SLC25A17: variants seen among roughly 807,000 people sequenced by gnomAD.
SLC25A17 encodes solute carrier family 25 member 17, also known as peroxisomal membrane protein PMP34.
SLC25A17 carries 26 observed loss-of-function variants against 38.5 expected under a neutral mutation model. That is an observed-to-expected ratio of 0.68 (90% CI 0.50 to 0.94). The LOEUF (loss-of-function observed/expected upper bound fraction) is 0.94, where lower values mean the gene tolerates loss of function less well. Among genes scored for constraint, SLC25A17 ranks in the 40% least tolerant of loss-of-function variants. The pLI is 0.00. For synonymous variants in SLC25A17, 139 were observed against 136.2 expected (o/e 1.02, Z -0.14); for missense variants, 333 against 372.7 (o/e 0.89, Z 0.88).
At chr22:40,779,511 A>G (rs1459773571) in intron 4 of SLC25A17, 1 of 407,994 alleles carries the variant, frequency 2.5e-6, no homozygotes, top group African/African-American at 2.0e-5. Context: ...AGTCCATGAC[A>G]ATATCAGATA....
intron 1 of SLC25A17, among the ~76,000 whole-genome samples, chr22:40,813,226 A>G (rs944913900): frequency 2.0e-5 from 3 of 152,084 alleles, no homozygotes; most frequent in African/African-American, 7.2e-5. Context: ...CAAGGTTGCT[A>G]TGAGAAGTTA....
intron 7 of SLC25A17, 72 bp downstream of exon 7, chr22:40,776,968 T>C (rs2057249393): frequency 1.6e-6 from 2 of 1,255,522 alleles, no homozygotes; most frequent in Non-Finnish European, 2.3e-6. Flanking sequence ...TTTATTAACA[T>C]TGTTTTAAAT....
intron 2 of SLC25A17, among the ~76,000 whole-genome samples, chr22:40,796,839 T>A (rs1007559990): frequency 4.6e-5 from 7 of 152,138 alleles, no homozygotes; most frequent in South Asian, 2.1e-4. Flanking sequence ...TTATGGTGCA[T>A]TCACACCATG....
chr22:40,804,786 G>A (rs1017751719), intron 1 of SLC25A17, among the ~76,000 whole-genome samples: 6 of 152,264 alleles, frequency 3.9e-5, no homozygotes, highest in East Asian at 1.9e-4. Flanking sequence ...GGTCTGTGTC[G>A]ATTGTGAGCA....
intron 4 of SLC25A17, chr22:40,788,951 C>T (rs1034592028): frequency 4.1e-5 from 13 of 317,838 alleles, no homozygotes; most frequent in South Asian, 1.1e-4. Context: ...TAGCCAACAA[C>T]GGCCACACTC....
Position 40,819,317 on chromosome 22 carries a change from G to A in SLC25A17, c.-69C>T. The A allele has an allele frequency of 6.5e-7, 1 of 1,526,766 alleles. No individual in the cohort carries two copies. The highest frequency in any genetic ancestry group is 9.0e-7 in the Non-Finnish European group (1 of 1,116,230). The allele number at this position is 1,526,766 out of a possible 1,614,324, so 94.6% of individuals were successfully genotyped here. On this transcript the variant is annotated 5_prime_UTR_variant, in exon 1 of 9. Transcript: ENST00000435456. ...GCCGCAGCCAGTGGAGTTAGGAAAGGAGCACCGGAGCTCAGGGTGTGAGAG... is the reference window on the plus strand; with the variant it reads ...GCCGCAGCCAGTGGAGTTAGGAAAGAAGCACCGGAGCTCAGGGTGTGAGAG...
intron 5 of SLC25A17, among the ~76,000 whole-genome samples, chr22:40,778,492 G>A (rs1446400003): frequency 2.0e-5 from 3 of 152,204 alleles, no homozygotes; most frequent in Admixed American, 1.3e-4. Context: ...CCAAATCCAC[G>A]TCAATCCACA....
At chr22:40,803,088 T>C (rs1454001929) in intron 1 of SLC25A17, among the ~76,000 whole-genome samples, 5 of 152,206 alleles carry the variant, frequency 3.3e-5, no homozygotes, top group African/African-American at 9.6e-5. Flanking sequence ...ATCGTCACCA[T>C]AGTTTGTAAT....
intron 8 of SLC25A17, 95 bp downstream of exon 8, chr22:40,773,842 C>G: frequency 1.1e-6 from 1 of 890,708 alleles, no homozygotes; most frequent in Non-Finnish European, 1.9e-6. Context: ...TTGCCACCAC[C>G]AAGGCAGTAG....
intron 2 of SLC25A17, chr22:40,797,312 G>A: frequency 7.7e-7 from 1 of 1,301,652 alleles, no homozygotes; most frequent in Non-Finnish European, 1.0e-6. Flanking sequence ...TCTGGCATAG[G>A]TTTACAATTT....
intron 2 of SLC25A17, among the ~76,000 whole-genome samples, chr22:40,797,567 T>C (rs2057441615): frequency 6.6e-6 from 1 of 152,180 alleles, no homozygotes; most frequent in Non-Finnish European, 1.5e-5. Context: ...ATCAAAATTA[T>C]TAGTGCAAGA....
intron 8 of SLC25A17, among the ~76,000 whole-genome samples, chr22:40,772,409 A>G (rs894868071): frequency 3.9e-5 from 6 of 152,152 alleles, no homozygotes; most frequent in African/African-American, 1.4e-4. Context: ...GGTTCAAGCA[A>G]TCCTTCCACC....
intron 2 of SLC25A17, 52 bp downstream of exon 2, chr22:40,798,971 G>T: frequency 3.4e-6 from 4 of 1,186,172 alleles, no homozygotes; most frequent in Non-Finnish European, 4.9e-6. Flanking sequence ...AATTACTAGC[G>T]AAAATGTTTG....
chr22:40,797,506 A>C (rs543760600), intron 2 of SLC25A17, among the ~76,000 whole-genome samples: 73 of 152,194 alleles, frequency 4.8e-4, no homozygotes, highest in Non-Finnish European at 8.1e-4. Context: ...AAAACTCTCC[A>C]CTGTGTGCCT....
intron 8 of SLC25A17, 42 bp downstream of exon 8, chr22:40,773,895 G>T: frequency 3.7e-6 from 5 of 1,352,148 alleles, no homozygotes; most frequent in Non-Finnish European, 5.3e-6. Context: ...AGAGATGGCT[G>T]CTGAAGGAGA....
intron 1 of SLC25A17, among the ~76,000 whole-genome samples, chr22:40,809,470 T>TAAA (rs138314): frequency 0.035 from 5,253 of 148,312 alleles, 134 homozygotes; most frequent in Non-Finnish European, 0.053. Flanking sequence ...ACAAAAAAAT[T>TAAA]AAAAAAAAAA....
At chr22:40,791,879 T>G (rs1422891609) in intron 4 of SLC25A17, among the ~76,000 whole-genome samples, 3 of 152,172 alleles carry the variant, frequency 2.0e-5, no homozygotes, top group African/African-American at 7.2e-5. Flanking sequence ...CAATCCCACT[T>G]CTGGGTATAT....
In SLC25A17 at chr22:40,801,528, A is replaced by G. The variant is rs545450416; in HGVS notation, c.55-2445T>C. 3.9e-5 allele frequency among the ~76,000 whole-genome samples: 6 copies of G among 152,230 alleles called. No homozygotes were observed. In the South Asian group the frequency reaches 1.2e-3, roughly 32 times the overall value. On this transcript the variant is annotated intron_variant, in intron 1 of 8. Coordinates refer to ENST00000435456, the MANE Select transcript of SLC25A17 (RefSeq NM_006358.4). ...TATGCTTTTTTGATGACCCCAACAT[A>G]ACTGTTCTTTTCTAGTCATGATAAA...
intron 1 of SLC25A17, among the ~76,000 whole-genome samples, chr22:40,812,388 G>C (rs947270005): frequency 2.0e-5 from 3 of 152,148 alleles, no homozygotes; most frequent in African/African-American, 7.2e-5. Context: ...GGGTAAATCT[G>C]GTCAAGACTT....
Sources: gnomAD v4.1 joint callset for allele counts (sites outside exome capture counted in the v4.1 genomes callset) on GRCh38, gnomAD v4.1.1 for gene constraint, MANE v1.5 for transcripts, NCBI Gene and HGNC (gene_info 2026-07-23, HGNC 2026-07-21) for gene names.